Variants in CACNA2D3 observed in about 807,000 individuals in gnomAD.
CACNA2D3 encodes voltage-dependent calcium channel subunit alpha-2/delta-3.
A neutral mutation model predicts 160.6 loss-of-function variants in CACNA2D3; 60 were observed. The ratio of observed to expected loss-of-function variants is 0.37; its 90% CI spans 0.30 to 0.46. The LOEUF (loss-of-function observed/expected upper bound fraction) is 0.46, where lower values mean the gene tolerates loss of function less well. CACNA2D3 is among the 20% of genes least tolerant of loss of function. The pLI, the probability that CACNA2D3 is intolerant of heterozygous loss-of-function variation, is 1.00. For synonymous variants in CACNA2D3, 558 were observed against 492.9 expected, an observed-to-expected ratio of 1.13 and a Z score of -1.75; for missense variants, 1,205 against 1,365.0, an observed-to-expected ratio of 0.88 and a Z score of 1.85.
rs770097662 is a variant in CACNA2D3, at chr3:55,073,879, C to CTGTT, written c.3183+22_3183+25dup. ...CCTGAGGTAAGTCTGAGAACTGTTC[C>CTGTT]TGTTTCCTTTTCCCATCAGAATCAC... is the stretch of plus-strand genomic sequence containing the variant. On this transcript the variant is annotated intron_variant, in intron 37 of 37. Transcript: ENST00000474759. The CTGTT allele has an allele frequency of 2.1e-5, 34 of 1,597,888 alleles. No individual in the cohort carries two copies. The highest frequency in any genetic ancestry group is 2.9e-5 in the Non-Finnish European group (34 of 1,166,234).
chr3:54,620,969 G>A (rs934134975), intron 9 of CACNA2D3, among the ~76,000 whole-genome samples: 40 of 152,362 alleles, frequency 2.6e-4, no homozygotes, highest in African/African-American at 7.5e-4. Context: ...GCTTGGTGAC[G>A]TGACTTCTGA....
At chr3:54,380,715 C>T (rs554548263) in intron 3 of CACNA2D3, among the ~76,000 whole-genome samples, 23 of 138,146 alleles carry the variant, frequency 1.7e-4, no homozygotes, top group African/African-American at 4.9e-4. Context: ...AGTGAGACTC[C>T]GTCTCAAAAA....
chr3:54,585,938 G>A (rs1702752676), intron 9 of CACNA2D3, among the ~76,000 whole-genome samples: 1 of 152,146 alleles, frequency 6.6e-6, no homozygotes, highest in Non-Finnish European at 1.5e-5. Context: ...AAACAAACAT[G>A]ATCCAACCGT....
chr3:54,866,786 G>A (rs533440292), intron 17 of CACNA2D3, among the ~76,000 whole-genome samples: 13 of 152,342 alleles, frequency 8.5e-5, no homozygotes, highest in Middle Eastern at 3.4e-3. Flanking sequence ...TGGCCAGGAA[G>A]GCTCTGTGCT....
chr3:54,964,135 T>C (rs572233287), intron 27 of CACNA2D3, among the ~76,000 whole-genome samples: 2 of 152,222 alleles, frequency 1.3e-5, no homozygotes, highest in South Asian at 4.2e-4. Context: ...TTGGGGTCGC[T>C]GTCCTAGGAG....
intron 2 of CACNA2D3, among the ~76,000 whole-genome samples, chr3:54,282,846 G>C (rs533537863): frequency 6.6e-6 from 1 of 151,140 alleles, no homozygotes; most frequent in Admixed American, 6.6e-5. Context: ...TTTAGTTTTC[G>C]CTTTGTTTTT....
At chr3:54,854,581 C>T (rs1699126452) in intron 17 of CACNA2D3, among the ~76,000 whole-genome samples, 1 of 152,174 alleles carries the variant, frequency 6.6e-6, no homozygotes, top group Non-Finnish European at 1.5e-5. Context: ...CCAGGCGCCG[C>T]AGCACCCAGG....
At chr3:54,500,504 T>TCTTCCTTCCTTCCTCTCTTC (rs1559498619) in intron 4 of CACNA2D3, among the ~76,000 whole-genome samples, 2 of 102,060 alleles carry the variant, frequency 2.0e-5, no homozygotes, top group East Asian at 2.7e-4. Flanking sequence ...TTCCTTCCTA[T>TCTTCCTTCCTTCCTCTCTTC]CTTCCTTCCT....
intron 11 of CACNA2D3, among the ~76,000 whole-genome samples, chr3:54,739,248 C>G (rs924574418): frequency 6.6e-6 from 1 of 151,902 alleles, no homozygotes; most frequent in East Asian, 1.9e-4. Flanking sequence ...GGCAAAACCC[C>G]ATCTCTACTA....
At chr3:54,405,721 C>T (rs955416858) in intron 4 of CACNA2D3, among the ~76,000 whole-genome samples, 1 of 151,926 alleles carries the variant, frequency 6.6e-6, no homozygotes, top group African/African-American at 2.4e-5. Flanking sequence ...ATAAATGGGA[C>T]TACATCAAAC....
intron 17 of CACNA2D3, among the ~76,000 whole-genome samples, chr3:54,854,791 C>A (rs879864840): frequency 5.9e-5 from 9 of 151,886 alleles, no homozygotes; most frequent in African/African-American, 1.7e-4. Flanking sequence ...ATTTGAAGGG[C>A]AAAAAAGATA....
At chr3:54,163,049 T>C (rs1241160539) in intron 2 of CACNA2D3, among the ~76,000 whole-genome samples, 1 of 152,082 alleles carries the variant, frequency 6.6e-6, no homozygotes, top group Non-Finnish European at 1.5e-5. Flanking sequence ...CTTGACATAT[T>C]TGAGAAATGG....
intron 11 of CACNA2D3, among the ~76,000 whole-genome samples, chr3:54,739,795 G>GTGTGTGTGTGTA (rs59392089): frequency 7.7e-6 from 1 of 129,922 alleles, no homozygotes; most frequent in African/African-American, 2.8e-5. Flanking sequence ...GTGTGTGTGT[G>GTGTGTGTGTGTA]GAATTATATA....
At chr3:54,296,206 A>T (rs895057205) in intron 2 of CACNA2D3, among the ~76,000 whole-genome samples, 1 of 152,218 alleles carries the variant, frequency 6.6e-6, no homozygotes, top group Non-Finnish European at 1.5e-5. Flanking sequence ...TGAACTTGGC[A>T]GTCAGAATGG....
intron 2 of CACNA2D3, among the ~76,000 whole-genome samples, chr3:54,285,218 G>T (rs1391752777): frequency 6.6e-6 from 1 of 152,166 alleles, no homozygotes; most frequent in Non-Finnish European, 1.5e-5. Context: ...GGAAAATCGG[G>T]TCACTCCCAC....
intron 4 of CACNA2D3, among the ~76,000 whole-genome samples, chr3:54,444,922 A>G (rs1050840473): frequency 3.3e-5 from 5 of 152,258 alleles, no homozygotes; most frequent in Non-Finnish European, 7.3e-5. Flanking sequence ...AAGTGCAGCT[A>G]AAATTCTACA....
At chr3:54,487,313 G>A (rs1701030089) in intron 4 of CACNA2D3, among the ~76,000 whole-genome samples, 1 of 152,154 alleles carries the variant, frequency 6.6e-6, no homozygotes, top group African/African-American at 2.4e-5. Context: ...GGCTGTGGTG[G>A]ACTGAGATTG....
intron 2 of CACNA2D3, among the ~76,000 whole-genome samples, chr3:54,153,198 G>A (rs942972144): frequency 3.9e-5 from 6 of 151,970 alleles, no homozygotes; most frequent in African/African-American, 1.5e-4. Context: ...GAGTGTCCAC[G>A]TCTGCAAAAA....
intron 3 of CACNA2D3, among the ~76,000 whole-genome samples, chr3:54,360,007 A>C (rs1336233167): frequency 6.6e-6 from 1 of 152,198 alleles, no homozygotes; most frequent in Non-Finnish European, 1.5e-5. Flanking sequence ...CAATGACAAC[A>C]AATCATGAGG....
Sources: allele counts gnomAD v4.1 joint callset (sites outside exome capture counted in the v4.1 genomes callset), GRCh38; gene constraint gnomAD v4.1.1; transcripts MANE v1.5; gene names NCBI Gene and HGNC (gene_info 2026-07-23, HGNC 2026-07-21).